The following PDSS2 variants were observed in gnomAD, a reference collection of about 807,000 sequenced individuals.
PDSS2 encodes decaprenyl diphosphate synthase subunit 2.
A neutral mutation model predicts 44.5 loss-of-function variants in PDSS2; 31 were observed. The observed-to-expected ratio is 0.70, with a 90% CI of 0.52 to 0.94. PDSS2 has a LOEUF of 0.94. Among genes scored for constraint, PDSS2 ranks in the 40% least tolerant of loss-of-function variants. The probability of loss-of-function intolerance (pLI) is 0.00; values close to 1 mark genes in which losing one functional copy is unlikely to be tolerated. For synonymous variants in PDSS2, 157 were observed against 180.3 expected, an observed-to-expected ratio of 0.87 and a Z score of 1.03; for missense variants, 452 against 482.2, an observed-to-expected ratio of 0.94 and a Z score of 0.59.
At chr6:107,241,629 A>G (rs1774437785) in intron 4 of PDSS2, among the ~76,000 whole-genome samples, 4 of 152,160 alleles carry the variant, frequency 2.6e-5, no homozygotes, top group Non-Finnish European at 5.9e-5. Flanking sequence ...TACAGGCGTA[A>G]GCCACCGCAC....
intron 3 of PDSS2, among the ~76,000 whole-genome samples, chr6:107,261,579 T>TTTTC (rs1554259932): frequency 6.3e-4 from 27 of 42,708 alleles, no homozygotes; most frequent in South Asian, 5.5e-3. Flanking sequence ...CTTTTCTTTC[T>TTTTC]TTTTTTTTTT....
At chr6:107,374,106 T>C (rs1386302291) in intron 1 of PDSS2, among the ~76,000 whole-genome samples, 1 of 151,664 alleles carries the variant, frequency 6.6e-6, no homozygotes, top group Non-Finnish European at 1.5e-5. Context: ...ATACAAAAAT[T>C]AACCTGCCGT....
intron 1 of PDSS2, among the ~76,000 whole-genome samples, chr6:107,450,992 A>C (rs756430065): frequency 8.5e-5 from 13 of 152,140 alleles, no homozygotes; most frequent in Admixed American, 3.3e-4. Flanking sequence ...CACCACACCC[A>C]ACTAATTTTT....
intron 7 of PDSS2, among the ~76,000 whole-genome samples, chr6:107,183,150 T>C (rs1404870667): frequency 6.6e-6 from 1 of 151,042 alleles, no homozygotes; most frequent in East Asian, 1.9e-4. Context: ...AGGTCAATAC[T>C]GCAGTGAGCC....
intron 1 of PDSS2, among the ~76,000 whole-genome samples, chr6:107,431,025 C>T (rs1032576361): frequency 1.3e-5 from 2 of 152,180 alleles, no homozygotes; most frequent in African/African-American, 4.8e-5. Context: ...AAGAAAATCA[C>T]GTTGGGTTCT....
intron 1 of PDSS2, among the ~76,000 whole-genome samples, chr6:107,356,748 T>C (rs533369662): frequency 1.7e-4 from 26 of 152,308 alleles, no homozygotes; most frequent in African/African-American, 6.0e-4. Context: ...GTCAGTGATA[T>C]AAAACATTAA....
intron 1 of PDSS2, among the ~76,000 whole-genome samples, chr6:107,456,947 A>T (rs552851603): frequency 6.6e-6 from 1 of 152,334 alleles, no homozygotes; most frequent in South Asian, 2.1e-4. Context: ...GTAAAGTTAC[A>T]ATTCTTAAGT....
Position 107,429,902 on chromosome 6 carries a change from ATATATATATATATATAT to A in PDSS2, c.296+29071_296+29087del, listed in dbSNP as rs1240487951. Among the ~76,000 whole-genome samples, 6 of 44,650 alleles carry A rather than the reference ATATATATATATATATAT, an allele frequency of 1.3e-4. 1 individual carries two copies. Among genetic ancestry groups the A allele is most frequent in the Admixed American group, 9.9e-4 (3 of 3,028 alleles). 29.3% of individuals were successfully genotyped at this position (44,650 alleles called of 152,430 possible). A position where few individuals can be genotyped will look rare whatever the true frequency, so the allele number is the denominator to read the frequency against. ...TTAGTCTCAAAAAAAAAAAAAAAAA[ATATATATATATATATAT>A]ATATATATATATATATATACACCAA... On this transcript the variant is annotated intron_variant, in intron 1 of 7. Coordinates refer to ENST00000369037, the MANE Select transcript of PDSS2 (RefSeq NM_020381.4).
intron 1 of PDSS2, among the ~76,000 whole-genome samples, chr6:107,437,799 A>G (rs1359822141): frequency 6.6e-6 from 1 of 152,218 alleles, no homozygotes; most frequent in Non-Finnish European, 1.5e-5. Context: ...TCAACTGTAT[A>G]TGAAATTGTT....
At chr6:107,398,067 G>A (rs1300597275) in intron 1 of PDSS2, among the ~76,000 whole-genome samples, 2 of 152,152 alleles carry the variant, frequency 1.3e-5, no homozygotes, top group African/African-American at 4.8e-5. Flanking sequence ...ATTCCACTCT[G>A]TAACTAACCT....
intron 6 of PDSS2, 143 bp downstream of exon 6, chr6:107,210,296 G>A (rs1045493138): frequency 3.5e-5 from 24 of 690,204 alleles, no homozygotes; most frequent in Middle Eastern, 4.1e-4. Flanking sequence ...TCTTAAAAAC[G>A]AAGATTACAA....
At chr6:107,210,864 G>GA (rs397808243) in intron 5 of PDSS2, among the ~76,000 whole-genome samples, 5 of 151,274 alleles carry the variant, frequency 3.3e-5, no homozygotes, top group Non-Finnish European at 5.9e-5. Context: ...ATTGGGGGGG[G>GA]TTTGCACACA....
At chr6:107,420,112 T>C (rs926505973) in intron 1 of PDSS2, among the ~76,000 whole-genome samples, 6 of 152,242 alleles carry the variant, frequency 3.9e-5, no homozygotes, top group Non-Finnish European at 8.8e-5. Context: ...AAATGCTCTA[T>C]TGATATTATT....
chr6:107,155,142 CTTTT>C (rs67631229), intron 7 of PDSS2, among the ~76,000 whole-genome samples: 4 of 140,546 alleles, frequency 2.8e-5, no homozygotes, highest in African/African-American at 2.6e-5. Context: ...ATATTCTTCC[CTTTT>C]TTTTTTTTTT....
chr6:107,319,156 G>C (rs932081146), intron 2 of PDSS2, among the ~76,000 whole-genome samples: 5 of 152,024 alleles, frequency 3.3e-5, no homozygotes, highest in African/African-American at 1.2e-4. Context: ...TCTAAAATCG[G>C]AAAGTGGAAA....
intron 3 of PDSS2, among the ~76,000 whole-genome samples, chr6:107,254,035 C>CTTTTTT (rs72372732): frequency 7.6e-6 from 1 of 132,448 alleles, no homozygotes; most frequent in African/African-American, 2.7e-5. Flanking sequence ...TTCTTTCTTT[C>CTTTTTT]TTTTTTTTTT....
intron 7 of PDSS2, among the ~76,000 whole-genome samples, chr6:107,156,919 C>G (rs1554245753): frequency 6.6e-6 from 1 of 152,140 alleles, no homozygotes; most frequent in Non-Finnish European, 1.5e-5. Context: ...ATTCCCATTG[C>G]CACTACATTA....
intron 7 of PDSS2, among the ~76,000 whole-genome samples, chr6:107,187,435 T>C (rs921559047): frequency 6.6e-6 from 1 of 152,068 alleles, no homozygotes; most frequent in Non-Finnish European, 1.5e-5. Flanking sequence ...GAGGCCGAGG[T>C]GGGCAGATCA....
At chr6:107,177,213 C>T (rs940741287) in intron 7 of PDSS2, among the ~76,000 whole-genome samples, 1 of 150,452 alleles carries the variant, frequency 6.6e-6, no homozygotes, top group Non-Finnish European at 1.5e-5. Context: ...TCACTGCAAC[C>T]TCTGCCTCTC....
Sources: gnomAD v4.1 joint callset for allele counts (sites outside exome capture counted in the v4.1 genomes callset) on GRCh38, gnomAD v4.1.1 for gene constraint, MANE v1.5 for transcripts, NCBI Gene and HGNC (gene_info 2026-07-23, HGNC 2026-07-21) for gene names.